SLC14A2: variants seen among roughly 807,000 people sequenced by gnomAD.
The protein encoded by SLC14A2 is urea transporter 2.
Under a neutral mutation model 104.6 loss-of-function variants are expected in SLC14A2, and 91 were observed. The ratio of observed to expected loss-of-function variants is 0.87; its 90% confidence interval spans 0.73 to 1.04. The LOEUF (loss-of-function observed/expected upper bound fraction) is 1.04. SLC14A2 is among the 50% of genes least tolerant of loss of function. The pLI is 0.00. For missense variants in SLC14A2, 1,189 were observed against 1,156.0 expected, an observed-to-expected ratio of 1.03 and a Z score of -0.41; for synonymous variants, 476 against 466.4, an observed-to-expected ratio of 1.02 and a Z score of -0.27.
At position 45,427,057 on chromosome 18, in the gene SLC14A2, G is replaced by C. The variant is rs144498101; in HGVS notation, c.-124-56176G>C. Among the ~76,000 whole-genome samples the C allele has an allele frequency of 1.5e-3, 229 of 152,216 alleles. 3 individuals are homozygous for C. Among genetic ancestry groups the C allele is most frequent in the Non-Finnish European group, 2.9e-4 (20 of 68,020 alleles). ...AGTTGAGACTGGCTTATTTGACCCA[G>C]TTAACAGTGACCCAGTCATTCCGAC... On this transcript the variant is annotated intron_variant, in intron 1 of 20. Transcript: ENST00000586448.
At chr18:45,276,224 G>A (rs180966681) in intron 1 of SLC14A2, among the ~76,000 whole-genome samples, 1 of 152,206 alleles carries the variant, frequency 6.6e-6, no homozygotes, top group South Asian at 2.1e-4. Context: ...TTCACAGGCG[G>A]CATATTTCAT....
At chr18:45,505,334 C>T (rs904965792) in intron 2 of SLC14A2, among the ~76,000 whole-genome samples, 2 of 152,130 alleles carry the variant, frequency 1.3e-5, no homozygotes, top group Non-Finnish European at 2.9e-5. Flanking sequence ...CAGTCTTTTT[C>T]CACCAAGACT....
chr18:45,189,379 G>A, the SLC14A2 span, among the ~76,000 whole-genome samples: 2 of 152,320 alleles, frequency 1.3e-5, no homozygotes, highest in Admixed American at 1.3e-4. Flanking sequence ...AGGCACAAAA[G>A]CACTTGGAAG....
the SLC14A2 span, among the ~76,000 whole-genome samples, chr18:45,178,843 T>C: frequency 6.6e-6 from 1 of 152,202 alleles, no homozygotes; most frequent in Non-Finnish European, 1.5e-5. Context: ...AGTACCTGTG[T>C]TCCTAGTTAC....
At chr18:45,618,169 C>T (rs2045103245) in intron 1 of SLC14A2, among the ~76,000 whole-genome samples, 1 of 152,152 alleles carries the variant, frequency 6.6e-6, no homozygotes, top group African/African-American at 2.4e-5. Context: ...AGCTAGGTAT[C>T]CAGAGGTGTT....
At chr18:45,184,153 T>TA in the SLC14A2 span, among the ~76,000 whole-genome samples, 3 of 152,094 alleles carry the variant, frequency 2.0e-5, no homozygotes, top group Non-Finnish European at 4.4e-5. Context: ...TTCTATTTTT[T>TA]AAAACTGCTT....
chr18:45,445,063 A>C (rs940580784), intron 1 of SLC14A2, among the ~76,000 whole-genome samples: 1 of 148,430 alleles, frequency 6.7e-6, no homozygotes, highest in Non-Finnish European at 1.5e-5. Context: ...TAGGTAAGGG[A>C]GTAAATGTGC....
chr18:45,407,388 A>G (rs1341245817), intron 1 of SLC14A2, among the ~76,000 whole-genome samples: 1 of 152,214 alleles, frequency 6.6e-6, no homozygotes, highest in East Asian at 1.9e-4. Context: ...TCTCTGGATT[A>G]GGCTTCAGCT....
the SLC14A2 span, among the ~76,000 whole-genome samples, chr18:45,185,224 C>T: frequency 1.4e-4 from 21 of 152,188 alleles, no homozygotes; most frequent in Admixed American, 6.5e-5. Context: ...GTATTTGTCA[C>T]TTGTCTCAAG....
chr18:45,460,676 T>C (rs1330539076), intron 1 of SLC14A2, among the ~76,000 whole-genome samples: 1 of 152,220 alleles, frequency 6.6e-6, no homozygotes, highest in East Asian at 1.9e-4. Context: ...TTCTGTACTA[T>C]TAATTCCATT....
chr18:45,667,748 C>A, intron 13 of SLC14A2, 85 bp from the exon 14 acceptor site: 1 of 1,096,622 alleles, frequency 9.1e-7, no homozygotes, highest in Non-Finnish European at 1.4e-6. Context: ...CTTCGGATAT[C>A]CAGATTCCCT....
the SLC14A2 span, among the ~76,000 whole-genome samples, chr18:45,178,753 C>A: frequency 6.6e-6 from 1 of 151,678 alleles, no homozygotes; most frequent in African/African-American, 2.4e-5. Context: ...ATAAGAAAAC[C>A]AAGGCACCAA....
At position 45,604,379 on chromosome 18, in the gene SLC14A2, A is replaced by G. The variant is rs559702241; in HGVS notation, c.-34-20252A>G. ...GGTACATAATATTTACCATTTTAAA[A>G]TTCTAAGTAAATATCTGACAATATC... On this transcript the variant is annotated intron_variant, in intron 2 of 20. Transcript: ENST00000586448. Among the ~76,000 whole-genome samples, 8 of 152,342 alleles carry G rather than the reference A, an allele frequency of 5.3e-5. No individual in the cohort carries two copies. In the South Asian group the frequency reaches 1.7e-3, roughly 32 times the overall value.
chr18:45,204,601 C>A, the SLC14A2 span, among the ~76,000 whole-genome samples: 1 of 152,152 alleles, frequency 6.6e-6, no homozygotes, highest in South Asian at 2.1e-4. Flanking sequence ...ATTGTAAATT[C>A]ATTGTGGCTA....
intron 1 of SLC14A2, among the ~76,000 whole-genome samples, chr18:45,296,288 G>A (rs1003874467): frequency 1.3e-5 from 2 of 152,166 alleles, no homozygotes; most frequent in Non-Finnish European, 2.9e-5. Context: ...CCTGGCATGG[G>A]GTGGGATAGG....
intron 1 of SLC14A2, among the ~76,000 whole-genome samples, chr18:45,402,096 G>A (rs763175612): frequency 6.6e-6 from 1 of 152,076 alleles, no homozygotes; most frequent in Admixed American, 6.6e-5. Context: ...GTGATGATAC[G>A]GGTACTGAGC....
chr18:45,452,255 T>C (rs1323446891), intron 1 of SLC14A2, among the ~76,000 whole-genome samples: 2 of 152,214 alleles, frequency 1.3e-5, no homozygotes, highest in African/African-American at 4.8e-5. Context: ...GGACAGTGCC[T>C]ATAAAATATG....
At chr18:45,310,304 A>C (rs1270611634) in intron 1 of SLC14A2, among the ~76,000 whole-genome samples, 1 of 152,244 alleles carries the variant, frequency 6.6e-6, no homozygotes, top group East Asian at 1.9e-4. Flanking sequence ...GCCCACCAGC[A>C]GTCACTGAAG....
At chr18:45,560,028 G>T (rs1025977206) in intron 2 of SLC14A2, among the ~76,000 whole-genome samples, 3 of 152,166 alleles carry the variant, frequency 2.0e-5, no homozygotes, top group African/African-American at 7.2e-5. Context: ...CTGCCTACAC[G>T]TTGCCCTGGA....
Sources: gnomAD v4.1 joint callset for allele counts (sites outside exome capture counted in the v4.1 genomes callset) on GRCh38, gnomAD v4.1.1 for gene constraint, MANE v1.5 for transcripts, NCBI Gene and HGNC (gene_info 2026-07-23, HGNC 2026-07-21) for gene names.